Variants in NOX3 observed in about 807,000 individuals in gnomAD.
The protein encoded by NOX3 is NADPH oxidase catalytic subunit-like 3.
NOX3 carries 74 observed loss-of-function variants against 76.7 expected under a neutral mutation model. The observed-to-expected ratio is 0.96, with a 90% CI of 0.80 to 1.17. The LOEUF (loss-of-function observed/expected upper bound fraction) is 1.17. Ranked by LOEUF, NOX3 falls within the 50% of genes most tolerant of loss-of-function variation. The probability of loss-of-function intolerance (pLI) is 0.00; values close to 1 mark genes in which losing one functional copy is unlikely to be tolerated. For synonymous variants in NOX3, 263 were observed against 261.1 expected (o/e 1.01, Z -0.07); for missense variants, 695 against 703.3 (o/e 0.99, Z 0.13).
At chr6:155,422,639 T>A in intron 10 of NOX3, 55 bp downstream of exon 10, 1 of 1,540,622 alleles carries the variant, frequency 6.5e-7, no homozygotes, top group South Asian at 1.2e-5. Flanking sequence ...ATGATAGATA[T>A]AAGGACATTG....
Position 155,443,316 on chromosome 6 carries a change from G to C in NOX3, c.443C>G (p.Thr148Ser). ...LLAALSKLGNTPNESYLNPVR... is the reference protein window; with the variant it reads ...LLAALSKLGNSPNESYLNPVR... The stretch of plus-strand genomic sequence containing the variant: ...AGGGTTGAGGTAGCTCTCGTTAGGG[G>C]TGTTGCCCAGCTTGGAAAGTGCGGC... Residue 148 changes from threonine to serine, a missense_variant, in exon 5 of 14, where the codon ACC becomes AGC. By Grantham distance (58) the Thr-to-Ser change is moderately conservative. Transcript: ENST00000159060. 1 of 1,614,142 alleles carries C rather than the reference G, an allele frequency of 6.2e-7. No individual in the cohort carries two copies. The highest frequency in any genetic ancestry group is 8.5e-7 in the Non-Finnish European group (1 of 1,180,006).
intron 12 of NOX3, among the ~76,000 whole-genome samples, chr6:155,406,165 G>A (rs184551333): frequency 1.3e-4 from 20 of 152,268 alleles, no homozygotes; most frequent in East Asian, 5.8e-4. Flanking sequence ...TTTAAGAGCC[G>A]TAGACAATGA....
At chr6:155,425,723 G>A (rs913115839) in intron 9 of NOX3, among the ~76,000 whole-genome samples, 1 of 152,196 alleles carries the variant, frequency 6.6e-6, no homozygotes. Context: ...CTGAGGCAGT[G>A]TGTTACATAC....
In NOX3 at chr6:155,450,313, T is replaced by C. The variant is rs192412007; in HGVS notation, c.340+3091A>G. ...GCAGCAGAATGTGAATGTATTATCT[T>C]GGACAATTGACATTGTTTGAATCTT... On this transcript the variant is annotated intron_variant, in intron 4 of 13. Coordinates refer to ENST00000159060, the MANE Select transcript of NOX3 (RefSeq NM_015718.3). Among the ~76,000 whole-genome samples, 9 of 152,340 alleles carry C rather than the reference T, an allele frequency of 5.9e-5. No homozygotes were observed. In the East Asian group the frequency reaches 1.2e-3, roughly 20 times the overall value.
chr6:155,402,321 T>A (rs1199567494), intron 12 of NOX3, among the ~76,000 whole-genome samples: 3 of 152,222 alleles, frequency 2.0e-5, no homozygotes, highest in Non-Finnish European at 4.4e-5. Context: ...TGAAATACTA[T>A]ACAATTTTCA....
intron 9 of NOX3, among the ~76,000 whole-genome samples, chr6:155,424,264 G>T (rs1429619601): frequency 6.6e-6 from 1 of 152,086 alleles, no homozygotes; most frequent in South Asian, 2.1e-4. Flanking sequence ...ATTGATTTCT[G>T]TGTAGAGCTG....
chr6:155,410,327 ATGTG>A (rs771548631), intron 11 of NOX3, among the ~76,000 whole-genome samples: 9 of 136,472 alleles, frequency 6.6e-5, no homozygotes, highest in Non-Finnish European at 1.2e-4. Context: ...GTGCGCACGC[ATGTG>A]TGTGTATGTG....
At chr6:155,440,313 A>G (rs902278216) in intron 5 of NOX3, among the ~76,000 whole-genome samples, 176 bp from the exon 6 acceptor site, 14 of 152,106 alleles carry the variant, frequency 9.2e-5, no homozygotes, top group African/African-American at 3.4e-4. Flanking sequence ...ATGCAGGTGC[A>G]ACTCAAGAAG....
At position 155,453,504 on chromosome 6, in the gene NOX3, A is replaced by T. The variant is rs1777173519; in HGVS notation, c.256-16T>A. 1 of 1,585,774 alleles carries T rather than the reference A, an allele frequency of 6.3e-7. No homozygotes were observed. The highest frequency in any genetic ancestry group is 1.3e-5 in the African/African-American group (1 of 74,480). On this transcript the variant is annotated splice_polypyrimidine_tract_variant and intron_variant, in intron 3 of 13. Transcript: ENST00000159060. ...CTCTGCAGCACTAGAGTAACAAAAAAATATGCCTGATTTATGGAAAAATTG... is the reference window on the plus strand; with the variant it reads ...CTCTGCAGCACTAGAGTAACAAAAATATATGCCTGATTTATGGAAAAATTG...
At chr6:155,419,076 G>A (rs1205510115) in intron 10 of NOX3, among the ~76,000 whole-genome samples, 2 of 152,188 alleles carry the variant, frequency 1.3e-5, no homozygotes, top group African/African-American at 2.4e-5. Context: ...TTGCTCTGTG[G>A]CACTTCAAAA....
At chr6:155,398,746 C>T (rs967060033) in intron 12 of NOX3, among the ~76,000 whole-genome samples, 1 of 152,184 alleles carries the variant, frequency 6.6e-6, no homozygotes, top group Non-Finnish European at 1.5e-5. Context: ...CTCTTGGCTC[C>T]ACCACTTCGT....
At chr6:155,428,704 A>G in intron 9 of NOX3, 90 bp downstream of exon 9, 1 of 1,225,016 alleles carries the variant, frequency 8.2e-7, no homozygotes, top group African/African-American at 1.5e-5. Context: ...TTTAATAAAG[A>G]TATTGCTGAA....
intron 12 of NOX3, among the ~76,000 whole-genome samples, chr6:155,403,523 G>C (rs1779261197): frequency 1.3e-5 from 2 of 152,172 alleles, no homozygotes; most frequent in South Asian, 4.1e-4. Context: ...AACCTTGGGG[G>C]CCTCGTCTAC....
chr6:155,400,502 G>A (rs1016510330), intron 12 of NOX3, among the ~76,000 whole-genome samples: 3 of 152,224 alleles, frequency 2.0e-5, no homozygotes, highest in African/African-American at 7.2e-5. Flanking sequence ...CTCTGTATCA[G>A]ACAATGGACA....
chr6:155,434,949 GA>G (rs1776882335), intron 7 of NOX3, among the ~76,000 whole-genome samples: 1 of 152,230 alleles, frequency 6.6e-6, no homozygotes, highest in Non-Finnish European at 1.5e-5. Flanking sequence ...GGCAAGGGAA[GA>G]GAAATGGAGC....
chr6:155,438,765 G>A (rs192996239), intron 6 of NOX3, among the ~76,000 whole-genome samples: 104 of 152,320 alleles, frequency 6.8e-4, no homozygotes, highest in African/African-American at 1.9e-3. Context: ...TTCCAGGTCC[G>A]CGCAGAGTCG....
At chr6:155,418,417 C>T (rs1343029606) in intron 10 of NOX3, among the ~76,000 whole-genome samples, 1 of 152,238 alleles carries the variant, frequency 6.6e-6, no homozygotes, top group African/African-American at 2.4e-5. Context: ...GCGTTCTCAG[C>T]TGCCTTCAAC....
intron 4 of NOX3, among the ~76,000 whole-genome samples, chr6:155,452,429 T>C (rs1001715811): frequency 6.6e-6 from 1 of 152,192 alleles, no homozygotes; most frequent in African/African-American, 2.4e-5. Flanking sequence ...CGATGTCTTT[T>C]TACTCTTATT....
intron 7 of NOX3, among the ~76,000 whole-genome samples, chr6:155,433,193 C>G (rs1776856819): frequency 6.6e-6 from 1 of 152,174 alleles, no homozygotes; most frequent in South Asian, 2.1e-4. Context: ...AGAATATAAG[C>G]TATTAATCCC....
Sources: allele counts gnomAD v4.1 joint callset (sites outside exome capture counted in the v4.1 genomes callset), GRCh38; gene constraint gnomAD v4.1.1; transcripts MANE v1.5; gene names NCBI Gene and HGNC (gene_info 2026-07-23, HGNC 2026-07-21).